CDKN2B-AS1: variants seen among roughly 807,000 people sequenced by gnomAD.
CDKN2B-AS1 encodes CDKN2B antisense RNA 1 (non-protein coding).
At chr9:22,124,877 A>G (rs1438739228) in intron 4 of CDKN2B-AS1, among the ~76,000 whole-genome samples, 1 of 152,194 alleles carries the variant, frequency 6.6e-6, no homozygotes, top group Non-Finnish European at 1.5e-5. Flanking sequence ...TAAAGCAAAC[A>G]CACCACAATG....
At position 22,107,701 on chromosome 9, in the gene CDKN2B-AS1, G is replaced by A. The variant is rs185318416; in HGVS notation, n.439-19402G>A. Among the ~76,000 whole-genome samples, 3 of 152,290 alleles carry A rather than the reference G, an allele frequency of 2.0e-5. No individual in the cohort carries two copies. In the East Asian group the frequency reaches 5.8e-4, roughly 29 times the overall value. ...ACCATACATACAATTTTCTGGTCTT[G>A]TAGAGAATGACTGACTGGTCATTAT... is the stretch of plus-strand genomic sequence containing the variant. On this transcript the variant is annotated intron_variant and non_coding_transcript_variant, in intron 4 of 4. Coordinates refer to ENST00000650946, the Ensembl canonical transcript of CDKN2B-AS1.
intron 1 of CDKN2B-AS1, among the ~76,000 whole-genome samples, chr9:22,043,907 C>A (rs1421214954): frequency 1.3e-5 from 2 of 151,878 alleles, no homozygotes; most frequent in Non-Finnish European, 2.9e-5. Flanking sequence ...AAACTCTACC[C>A]ATGAGATTCA....
intron 4 of CDKN2B-AS1, among the ~76,000 whole-genome samples, chr9:22,063,478 T>C (rs902093811): frequency 6.6e-6 from 1 of 152,084 alleles, no homozygotes; most frequent in Non-Finnish European, 1.5e-5. Context: ...GTAAAAAAAT[T>C]GAAGAGATTA....
intron 4 of CDKN2B-AS1, among the ~76,000 whole-genome samples, chr9:22,090,420 T>G (rs550246336): frequency 6.6e-6 from 1 of 152,320 alleles, no homozygotes; most frequent in African/African-American, 2.4e-5. Context: ...TCCACAACGG[T>G]TGAACTAGTT....
chr9:22,053,764 G>A (rs148083310), intron 3 of CDKN2B-AS1, among the ~76,000 whole-genome samples: 311 of 152,260 alleles, frequency 2.0e-3, no homozygotes, highest in Middle Eastern at 3.4e-3. Flanking sequence ...AGAAGAAATA[G>A]CAACATATAT....
chr9:22,028,270 T>C (rs1381495367), intron 1 of CDKN2B-AS1, among the ~76,000 whole-genome samples: 1 of 152,128 alleles, frequency 6.6e-6, no homozygotes, highest in Non-Finnish European at 1.5e-5. Flanking sequence ...ATAAAACCAC[T>C]ATCTCAATAA....
chr9:21,996,365 C>G lies in CDKN2B-AS1; in HGVS notation n.29+1204C>G, dbSNP rs114034000. Among the ~76,000 whole-genome samples the G allele has an allele frequency of 1.3e-5, 2 of 152,294 alleles. No individual in the cohort carries two copies. Among genetic ancestry groups the G allele is most frequent in the African/African-American group, 4.8e-5 (2 of 41,556 alleles). On this transcript the variant is annotated intron_variant and non_coding_transcript_variant, in intron 1 of 4. Transcript: ENST00000650946. The surrounding 1 kb of genome is among the most constrained non-coding windows in gnomAD (Gnocchi z 5.4). ...TAGATTTCACTCAGAATTTACCCAA[C>G]ACCGTGCTTTGTGCTGGGGCCACAT...
At chr9:22,115,539 C>A (rs1181176007) in intron 4 of CDKN2B-AS1, among the ~76,000 whole-genome samples, 2 of 152,140 alleles carry the variant, frequency 1.3e-5, no homozygotes, top group African/African-American at 4.8e-5. Context: ...GACACTTTAG[C>A]CTTTTCTTTC....
chr9:22,069,696 T>A lies in CDKN2B-AS1; in HGVS notation n.438+13309T>A, dbSNP rs942049977. On this transcript the variant is annotated intron_variant and non_coding_transcript_variant, in intron 4 of 4. Transcript: ENST00000650946. ...ATTCAAAAGCCTCTCTTCTAGCTCT[T>A]TCGTAATATCAATACCTTACTGTTA... Among the ~76,000 whole-genome samples, 3 of 152,294 alleles carry A rather than the reference T, an allele frequency of 2.0e-5. No homozygotes were observed. The East Asian group carries it at 5.8e-4, about 29-fold the overall frequency.
chr9:22,063,110 A>G (rs1823893949), intron 4 of CDKN2B-AS1, among the ~76,000 whole-genome samples: 1 of 152,090 alleles, frequency 6.6e-6, no homozygotes, highest in African/African-American at 2.4e-5. Context: ...GGTGCTTAGG[A>G]GAGAGATGTG....
At chr9:22,062,112 C>G (rs1271519958) in intron 4 of CDKN2B-AS1, 1 of 152,156 alleles carries the variant, frequency 6.6e-6, no homozygotes, top group African/African-American at 2.4e-5. Context: ...AGGGAAGATA[C>G]AGGTGGAACT....
At chr9:22,030,491 T>C (rs1232741885) in intron 1 of CDKN2B-AS1, 2 of 152,104 alleles carry the variant, frequency 1.3e-5, no homozygotes, top group African/African-American at 4.8e-5. Flanking sequence ...AATTTTCCCA[T>C]ATGCCAGAGA....
intron 4 of CDKN2B-AS1, among the ~76,000 whole-genome samples, chr9:22,113,087 C>T (rs559128491): frequency 1.3e-5 from 2 of 152,264 alleles, no homozygotes; most frequent in South Asian, 2.1e-4. Flanking sequence ...AAATAACGCC[C>T]ATGTATTATC....
At chr9:22,105,414 A>G (rs1472862131) in intron 4 of CDKN2B-AS1, among the ~76,000 whole-genome samples, 1 of 152,210 alleles carries the variant, frequency 6.6e-6, no homozygotes. Flanking sequence ...CCTTTCTTCC[A>G]TGCAGTGTCT....
chr9:22,090,053 C>T (rs185255144), intron 4 of CDKN2B-AS1, among the ~76,000 whole-genome samples: 77 of 148,742 alleles, frequency 5.2e-4, no homozygotes, highest in African/African-American at 1.7e-3. Flanking sequence ...GTTCAATTCC[C>T]ACCTATGAGT....
chr9:22,053,833 C>T (rs1266556347), intron 3 of CDKN2B-AS1, among the ~76,000 whole-genome samples: 1 of 152,032 alleles, frequency 6.6e-6, no homozygotes, highest in Admixed American at 6.6e-5. Flanking sequence ...GTCTTGTAGA[C>T]CGTCACTAGC....
chr9:22,068,700 A>C lies in CDKN2B-AS1; in HGVS notation n.438+12313A>C, dbSNP rs55936329. On this transcript the variant is annotated intron_variant and non_coding_transcript_variant, in intron 4 of 4. Coordinates refer to ENST00000650946, the Ensembl canonical transcript of CDKN2B-AS1. ...GAATGAGCTCCTTTAGTAAACGTGG[A>C]TATGTGCTTTCTGAATCTATTTGTT... Among the ~76,000 whole-genome samples the C allele has an allele frequency of 1.9e-3, 285 of 152,308 alleles. 1 individual carries two copies. The highest frequency in any genetic ancestry group is 6.4e-3 in the African/African-American group (268 of 41,574).
chr9:22,104,799 G>GA (rs1825604128), intron 4 of CDKN2B-AS1, among the ~76,000 whole-genome samples: 1 of 152,164 alleles, frequency 6.6e-6, no homozygotes, highest in African/African-American at 2.4e-5. Context: ...GTTTAGAGGA[G>GA]AAAATGGAAG....
chr9:22,070,653 C>T (rs1432934122), intron 4 of CDKN2B-AS1, among the ~76,000 whole-genome samples: 2 of 152,202 alleles, frequency 1.3e-5, no homozygotes, highest in Non-Finnish European at 2.9e-5. Context: ...ATGAAGGAAA[C>T]TACCATCAGG....
Sources: gnomAD v4.1 joint callset for allele counts (sites outside exome capture counted in the v4.1 genomes callset) on GRCh38, gnomAD v4.1.1 for gene constraint, Gnocchi (gnomAD v3.1) non-coding constraint, MANE v1.5 for transcripts, NCBI Gene and HGNC (gene_info 2026-07-23, HGNC 2026-07-21) for gene names.